PRMT1: variants seen among roughly 807,000 people sequenced by gnomAD.
The protein encoded by PRMT1 is protein arginine N-methyltransferase 1.
Under a neutral mutation model 47.4 loss-of-function variants are expected in PRMT1, and 5 were observed. That is an observed-to-expected ratio of 0.11 (90% CI 0.06 to 0.22). PRMT1 has a LOEUF of 0.22. Ranked by LOEUF, PRMT1 falls within the 10% of genes least tolerant of loss-of-function variation. The pLI is 1.00. For missense variants in PRMT1, 249 were observed against 518.4 expected, an observed-to-expected ratio of 0.48 and a Z score of 5.05; for synonymous variants, 227 against 204.6, an observed-to-expected ratio of 1.11 and a Z score of -0.94.
At chr19:49,678,244 C>A (rs1029531624) in intron 1 of PRMT1, 3 of 152,236 alleles carry the variant, frequency 2.0e-5, no homozygotes, top group African/African-American at 7.2e-5. Context: ...CCTACTGGAG[C>A]CGTTTATCTC....
In PRMT1 at chr19:49,684,710, G is replaced by A; in HGVS notation, c.556-44G>A. The A allele has an allele frequency of 6.5e-7, 1 of 1,535,380 alleles. No homozygotes were observed. The highest frequency in any genetic ancestry group is 8.8e-7 in the Non-Finnish European group (1 of 1,134,898). On this transcript the variant is annotated intron_variant, in intron 6 of 10. Coordinates refer to ENST00000454376, the MANE Select transcript of PRMT1 (RefSeq NM_001536.6). This position sits in a 1 kb window ranked among gnomAD's most constrained non-coding sequence, Gnocchi z 6.2. ...TCTTGGAGGCAAGACTCAGGGTAGTGTTGCCAGGCCCCACCCTTCATGCCT... is the reference window on the plus strand; with the variant it reads ...TCTTGGAGGCAAGACTCAGGGTAGTATTGCCAGGCCCCACCCTTCATGCCT...
rs1298322370 is a variant in PRMT1, at chr19:49,680,420, G to T, written c.91-67G>T. On this transcript the variant is annotated intron_variant, in intron 2 of 10. Transcript: ENST00000454376. The surrounding 1 kb of genome is among the most constrained non-coding windows in gnomAD (Gnocchi z 4.2). ...ACTACTCTTCAGGGAAAAGTAGGGC[G>T]CTGGAGGTTTAAGAGGCTGTGGGGA... is the stretch of plus-strand genomic sequence containing the variant. 7.6e-7 allele frequency: 1 copy of T among 1,323,574 alleles called. No individual in the cohort carries two copies. Among genetic ancestry groups the T allele is most frequent in the Non-Finnish European group, 1.1e-6 (1 of 917,058 alleles). The allele number at this position is 1,323,574 out of a possible 1,614,324, so 82.0% of individuals were successfully genotyped here.
At chr19:49,687,263 A>G (rs1450743452) in intron 10 of PRMT1, among the ~76,000 whole-genome samples, 1 of 149,070 alleles carries the variant, frequency 6.7e-6, no homozygotes, top group African/African-American at 2.5e-5. Context: ...CTTCCGGGGG[A>G]GCTGGGGGGG....
chr19:49,682,105 G>T (rs2082127452), intron 4 of PRMT1, 40 bp downstream of exon 4: 2 of 1,613,736 alleles, frequency 1.2e-6, no homozygotes, highest in South Asian at 2.2e-5. Context: ...GGGCCTGAGG[G>T]ATGGAGGGGA....
rs530502506 is a variant in PRMT1 at position 49,680,332 on chromosome 19, TG to T, written c.91-148del. ...TGGGGTTGTTAGGTTTTGGGGTTCC[TG>T]GGGGGGCAAGATGGCAGGCGGGGGC... On this transcript the variant is annotated intron_variant, in intron 2 of 10. Coordinates refer to ENST00000454376, the MANE Select transcript of PRMT1 (RefSeq NM_001536.6). The surrounding 1 kb of genome is among the most constrained non-coding windows in gnomAD (Gnocchi z 4.2). 6.6e-5 allele frequency: 66 copies of T among 993,926 alleles called. No individual in the cohort carries two copies. In the East Asian group the frequency reaches 8.5e-4, roughly 13 times the overall value. 61.6% of individuals were successfully genotyped at this position (993,926 alleles called of 1,614,324 possible). A position where few individuals can be genotyped will look rare whatever the true frequency, so the allele number is the denominator to read the frequency against.
chr19:49,685,518 GT>G lies in PRMT1; in HGVS notation c.759+490del, dbSNP rs574357235. 1.6e-5 allele frequency: 16 copies of G among 988,984 alleles called. No homozygotes were observed. The highest frequency in any genetic ancestry group is 1.1e-4 in the East Asian group (1 of 9,404). The allele number at this position is 988,984 out of a possible 1,614,324, so 61.3% of individuals were successfully genotyped here. ...ATGTTTTGTTTTGTTTTTTCCTTTT[GT>G]TTTTTTTTACTTCTGAGACCCTGTT... On this transcript the variant is annotated intron_variant, in intron 8 of 10. Coordinates refer to ENST00000454376, the MANE Select transcript of PRMT1 (RefSeq NM_001536.6). The surrounding 1 kb of genome is among the most constrained non-coding windows in gnomAD (Gnocchi z 4.7).
chr19:49,680,119 T>C lies in PRMT1; in HGVS notation c.90+194T>C, dbSNP rs1167792222. The C allele has an allele frequency of 8.5e-7, 1 of 1,175,730 alleles. No individual in the cohort carries two copies. Among genetic ancestry groups the C allele is most frequent in the Non-Finnish European group, 1.2e-6 (1 of 808,948 alleles). 72.8% of individuals were successfully genotyped at this position (1,175,730 alleles called of 1,614,324 possible). A position where few individuals can be genotyped will look rare whatever the true frequency, so the allele number is the denominator to read the frequency against. Reference sequence around the variant, plus strand: ...TGGCCTCCCCCAGTATCGCCGCTACTTCCTTAACTCCACCTCCAACCCCCC... The same window carrying C: ...TGGCCTCCCCCAGTATCGCCGCTACCTCCTTAACTCCACCTCCAACCCCCC... On this transcript the variant is annotated intron_variant, in intron 2 of 10. Coordinates refer to ENST00000454376, the MANE Select transcript of PRMT1 (RefSeq NM_001536.6). This position sits in a 1 kb window ranked among gnomAD's most constrained non-coding sequence, Gnocchi z 4.2.
At chr19:49,679,838 T>G in intron 1 of PRMT1, 34 bp from the exon 2 acceptor site, 1 of 1,569,726 alleles carries the variant, frequency 6.4e-7, no homozygotes, top group Non-Finnish European at 8.8e-7. Context: ...CCACTCCCAG[T>G]AGCTAATCCT....
Position 49,680,545 on chromosome 19 carries a change from A to G in PRMT1, c.149A>G (p.Lys50Arg). ...CCCAACGCTGAGGACATGACATCCA[A>G]AGATTACTACTTTGACTCCTACGCA... ...EKPNAEDMTS[K>R]DYYFDSYAHF... The change falls in exon 3 of 11, where the codon AAA becomes AGA. Residue 50 changes from lysine to arginine, a missense_variant. Physicochemically the swap from Lys to Arg is conservative, Grantham distance 26. This residue lies in a region of PRMT1 where 190 missense variants were observed against 456.7 expected (regional missense o/e 0.42). Transcript: ENST00000454376. The surrounding 1 kb of genome is among the most constrained non-coding windows in gnomAD (Gnocchi z 4.2). 8 of 1,614,114 alleles carry G rather than the reference A, an allele frequency of 5.0e-6. No homozygotes were observed. Among genetic ancestry groups the G allele is most frequent in the Non-Finnish European group, 5.9e-6 (7 of 1,179,980 alleles).
chr19:49,688,376 A>G lies in PRMT1; in HGVS notation c.*131A>G. On this transcript the variant is annotated 3_prime_UTR_variant, in exon 11 of 11. Coordinates refer to ENST00000454376, the MANE Select transcript of PRMT1 (RefSeq NM_001536.6). This position sits in a 1 kb window ranked among gnomAD's most constrained non-coding sequence, Gnocchi z 5.3. ...CCTGGGCTGGGGGGATGGGGAGGGC[A>G]CATCGTGACTGTGTTTTTCATAACT... 1 of 770,256 alleles carries G rather than the reference A, an allele frequency of 1.3e-6. No individual in the cohort carries two copies. The highest frequency in any genetic ancestry group is 1.7e-5 in the African/African-American group (1 of 57,486). 47.7% of individuals were successfully genotyped at this position (770,256 alleles called of 1,614,324 possible). A position where few individuals can be genotyped will look rare whatever the true frequency, so the allele number is the denominator to read the frequency against.
chr19:49,687,188 T>A (rs2082220548), intron 10 of PRMT1, among the ~76,000 whole-genome samples: 1 of 152,056 alleles, frequency 6.6e-6, no homozygotes, highest in South Asian at 2.1e-4. Flanking sequence ...CTTTTTGTTT[T>A]CTGCTCCCCT....
chr19:49,677,803 CTT>C (rs879368247), intron 1 of PRMT1, among the ~76,000 whole-genome samples: 1 of 152,130 alleles, frequency 6.6e-6, no homozygotes, highest in Admixed American at 6.5e-5. Context: ...TGGGGAGTCT[CTT>C]GGGAGGAGCA....
intron 5 of PRMT1, 77 bp downstream of exon 5, chr19:49,682,336 G>A (rs1599943340): frequency 6.8e-7 from 1 of 1,470,836 alleles, no homozygotes; most frequent in African/African-American, 1.4e-5. Context: ...CTGAAGAGCA[G>A]TGGGGTCTAC....
intron 5 of PRMT1, chr19:49,683,683 G>A (rs549543176): frequency 3.1e-4 from 118 of 375,542 alleles, no homozygotes; most frequent in African/African-American, 4.4e-4. Context: ...GCAAGACTCC[G>A]TCTCAAAAAA....
Position 49,679,894 on chromosome 19 carries a change from A to G in PRMT1, c.59A>G (p.Asn20Ser), listed in dbSNP as rs373555384. The stretch of plus-strand genomic sequence containing the variant: ...TAGAATTTTGTAGCCACCTTGGCTA[A>G]TGGGATGAGCCTCCAGCCGCCTCTT... ...IMENFVATLANGMSLQPPLEE... is the reference protein window; with the variant it reads ...IMENFVATLASGMSLQPPLEE... Residue 20 changes from asparagine (N) to serine (S), a missense_variant, in exon 2 of 11, where the codon AAT (asparagine) becomes AGT (serine). This residue lies in a region of PRMT1 where 59 missense variants were observed against 61.7 expected (regional missense o/e 0.96). Coordinates refer to ENST00000454376, the MANE Select transcript of PRMT1 (RefSeq NM_001536.6). 2 of 1,612,974 alleles carry G rather than the reference A, an allele frequency of 1.2e-6. No homozygotes were observed. The highest frequency in any genetic ancestry group is 1.7e-6 in the Non-Finnish European group (2 of 1,179,382).
At chr19:49,683,846 CCCAGGCTCTAG>C in intron 5 of PRMT1, 70 bp from the exon 6 acceptor site, 1 of 1,529,868 alleles carries the variant, frequency 6.5e-7, no homozygotes, top group South Asian at 1.2e-5. Context: ...AAGTGGGGTC[CCCAGGCTCTAG>C]CCCCCGGGGG....
At chr19:49,676,506 T>TA (rs1427328231), upstream of PRMT1, 2 of 152,282 alleles carry the variant, frequency 1.3e-5, no homozygotes, top group East Asian at 1.9e-4. Context: ...TTGATGGTTT[T>TA]AAAAAACTTG....
chr19:49,677,014 A>G, upstream of PRMT1: 1 of 385,184 alleles, frequency 2.6e-6, no homozygotes, highest in Non-Finnish European at 4.6e-6. Flanking sequence ...CGCTTCTTGC[A>G]ATAGACGGGC....
At chr19:49,677,592 T>G in intron 1 of PRMT1, 7 of 325,986 alleles carry the variant, frequency 2.1e-5, no homozygotes, top group Non-Finnish European at 2.2e-5. Context: ...ACGTGGCCGC[T>G]GCGCGGTGGG....
Sources: allele counts gnomAD v4.1 joint callset (sites outside exome capture counted in the v4.1 genomes callset), GRCh38; gene constraint gnomAD v4.1.1; regional missense constraint gnomAD v4.1.1; non-coding constraint Gnocchi (gnomAD v3.1); transcripts MANE v1.5; gene names NCBI Gene and HGNC (gene_info 2026-07-23, HGNC 2026-07-21).